GUCY1A2: variants seen among roughly 807,000 people sequenced by gnomAD.
The protein encoded by GUCY1A2 is guanylate cyclase soluble subunit alpha-2.
A neutral mutation model predicts 63.5 loss-of-function variants in GUCY1A2; 27 were observed. That is an observed-to-expected ratio of 0.43 (90% CI 0.31 to 0.59). The LOEUF is 0.59. Among genes scored for constraint, GUCY1A2 ranks in the 20% least tolerant of loss-of-function variants. The pLI, the probability that GUCY1A2 is intolerant of heterozygous loss-of-function variation, is 0.11. For missense variants in GUCY1A2, 768 were observed against 913.3 expected, an observed-to-expected ratio of 0.84 and a Z score of 2.05; for synonymous variants, 364 against 343.5, an observed-to-expected ratio of 1.06 and a Z score of -0.66.
intron 5 of GUCY1A2, among the ~76,000 whole-genome samples, chr11:106,802,949 A>C (rs1016130946): frequency 7.9e-5 from 12 of 152,130 alleles, no homozygotes; most frequent in African/African-American, 2.9e-4. Flanking sequence ...CAAAAACACC[A>C]ATCTGTTTGC....
chr11:106,903,860 T>C (rs1485526719), intron 4 of GUCY1A2, among the ~76,000 whole-genome samples: 1 of 152,138 alleles, frequency 6.6e-6, no homozygotes, highest in Non-Finnish European at 1.5e-5. Flanking sequence ...AGCTCATAAT[T>C]CCCAGCTAAT....
chr11:106,839,848 G>C (rs1006802089), intron 4 of GUCY1A2, among the ~76,000 whole-genome samples: 1 of 139,316 alleles, frequency 7.2e-6, no homozygotes, highest in Admixed American at 7.5e-5. Flanking sequence ...ATCACACACC[G>C]GGGCCTGTTG....
In GUCY1A2 at chr11:106,888,333, C is replaced by T. The variant is rs868384090; in HGVS notation, c.1206+51127G>A. Among the ~76,000 whole-genome samples, 6 of 151,108 alleles carry T rather than the reference C, an allele frequency of 4.0e-5. 1 individual carries two copies. The highest frequency in any genetic ancestry group is 2.1e-4 in the South Asian group (1 of 4,750). ...AAAAAAAATTAGCCGGGCGTGGTGG[C>T]GGGTGCCTGTAGTCCCAGCTACTCA... is the stretch of plus-strand genomic sequence containing the variant. On this transcript the variant is annotated intron_variant, in intron 4 of 7. Coordinates refer to ENST00000526355, the MANE Select transcript of GUCY1A2 (RefSeq NM_000855.3).
At chr11:106,839,522 G>T (rs538606156) in intron 4 of GUCY1A2, among the ~76,000 whole-genome samples, 1 of 152,096 alleles carries the variant, frequency 6.6e-6, no homozygotes, top group East Asian at 1.9e-4. Flanking sequence ...TATACCCAAA[G>T]GAATATAAAT....
intron 6 of GUCY1A2, among the ~76,000 whole-genome samples, chr11:106,738,298 G>A (rs1863626182): frequency 6.6e-6 from 1 of 152,168 alleles, no homozygotes; most frequent in African/African-American, 2.4e-5. Context: ...TTAGCCCTTT[G>A]TCAGATGGAT....
intron 4 of GUCY1A2, among the ~76,000 whole-genome samples, chr11:106,843,471 G>A (rs116473852): frequency 1.5e-3 from 227 of 151,990 alleles, no homozygotes; most frequent in African/African-American, 5.3e-3. Context: ...AAATATACCT[G>A]TAGAGACGTA....
At chr11:106,826,272 T>C (rs1403272832) in intron 4 of GUCY1A2, 1 of 767,782 alleles carries the variant, frequency 1.3e-6, no homozygotes, top group African/African-American at 1.8e-5. Flanking sequence ...CTAATATCAT[T>C]ATCACTTCTG....
At chr11:106,711,100 A>G (rs960898896) in intron 6 of GUCY1A2, among the ~76,000 whole-genome samples, 1 of 152,202 alleles carries the variant, frequency 6.6e-6, no homozygotes, top group Non-Finnish European at 1.5e-5. Flanking sequence ...TATCTGAGAA[A>G]GATGACAAGT....
intron 2 of GUCY1A2, among the ~76,000 whole-genome samples, chr11:106,980,842 G>A (rs1309642573): frequency 1.4e-5 from 2 of 146,574 alleles, no homozygotes; most frequent in African/African-American, 2.6e-5. Flanking sequence ...CACTCAAGAG[G>A]TGGAACAGGG....
intron 6 of GUCY1A2, among the ~76,000 whole-genome samples, chr11:106,748,030 G>A (rs1863820176): frequency 6.6e-6 from 1 of 152,104 alleles, no homozygotes; most frequent in Non-Finnish European, 1.5e-5. Context: ...AACTTGATGG[G>A]ATTTCCCATA....
intron 4 of GUCY1A2, among the ~76,000 whole-genome samples, chr11:106,910,418 A>AT (rs958739533): frequency 2.0e-5 from 3 of 151,976 alleles, no homozygotes; most frequent in African/African-American, 7.2e-5. Flanking sequence ...CTCTAGGAAC[A>AT]TTTTTTTGTA....
At chr11:106,880,903 C>G (rs1176842829) in intron 4 of GUCY1A2, among the ~76,000 whole-genome samples, 1 of 152,034 alleles carries the variant, frequency 6.6e-6, no homozygotes, top group Non-Finnish European at 1.5e-5. Flanking sequence ...TGGGAAATAC[C>G]AATACAGTAG....
At chr11:106,764,104 T>A (rs1307736692) in intron 6 of GUCY1A2, among the ~76,000 whole-genome samples, 1 of 152,126 alleles carries the variant, frequency 6.6e-6, no homozygotes, top group Non-Finnish European at 1.5e-5. Flanking sequence ...TCAGATATTT[T>A]GAAATTCTAT....
intron 5 of GUCY1A2, among the ~76,000 whole-genome samples, chr11:106,807,565 C>T (rs968160417): frequency 5.3e-5 from 8 of 152,196 alleles, no homozygotes; most frequent in Non-Finnish European, 1.2e-4. Context: ...CTGCCCTATA[C>T]ACCTATCCTA....
chr11:106,721,513 C>T (rs1863316028), intron 6 of GUCY1A2, among the ~76,000 whole-genome samples: 1 of 152,058 alleles, frequency 6.6e-6, no homozygotes, highest in Admixed American at 6.5e-5. Flanking sequence ...AAGTTAATTC[C>T]TTTGTACATA....
chr11:106,946,306 A>C (rs568156315), intron 3 of GUCY1A2, among the ~76,000 whole-genome samples: 1 of 152,316 alleles, frequency 6.6e-6, no homozygotes, highest in South Asian at 2.1e-4. Context: ...CTCTCCAAAT[A>C]CAAGGTCAAA....
intron 4 of GUCY1A2, among the ~76,000 whole-genome samples, chr11:106,880,377 T>C (rs984399335): frequency 9.9e-5 from 15 of 151,990 alleles, no homozygotes; most frequent in Non-Finnish European, 1.9e-4. Context: ...AAGTGAAGAC[T>C]GCATGTTTTT....
chr11:106,782,382 T>C (rs572010859), intron 5 of GUCY1A2, among the ~76,000 whole-genome samples: 1 of 152,228 alleles, frequency 6.6e-6, no homozygotes, highest in Non-Finnish European at 1.5e-5. Flanking sequence ...ACTTTAAAGA[T>C]GAGAAATGCT....
intron 5 of GUCY1A2, among the ~76,000 whole-genome samples, chr11:106,796,067 CTTCT>C (rs1342118801): frequency 2.0e-5 from 3 of 152,068 alleles, no homozygotes; most frequent in Non-Finnish European, 2.9e-5. Flanking sequence ...ACGTAATGGC[CTTCT>C]TTGTCTCTTT....
Sources: gnomAD v4.1 joint callset for allele counts (sites outside exome capture counted in the v4.1 genomes callset) on GRCh38, gnomAD v4.1.1 for gene constraint, MANE v1.5 for transcripts, NCBI Gene and HGNC (gene_info 2026-07-23, HGNC 2026-07-21) for gene names.